Variants in GALNT13 observed in about 807,000 individuals in gnomAD.
GALNT13 encodes polypeptide N-acetylgalactosaminyltransferase 13, also known as UDP-GalNAc:polypeptide N-acetylgalactosaminyltransferase 13.
Under a neutral mutation model 64.2 loss-of-function variants are expected in GALNT13, and 28 were observed. The observed-to-expected ratio is 0.44, with a 90% CI of 0.32 to 0.60. The LOEUF (loss-of-function observed/expected upper bound fraction) is 0.60, where lower values mean the gene tolerates loss of function less well. GALNT13 is among the 20% of genes least tolerant of loss of function. GALNT13 has a pLI of 0.05. For missense variants in GALNT13, 577 were observed against 669.8 expected (o/e 0.86, Z 1.53); for synonymous variants, 214 against 224.6 (o/e 0.95, Z 0.42).
At chr2:153,367,901 C>G in the GALNT13 span, among the ~76,000 whole-genome samples, 1 of 151,638 alleles carries the variant, frequency 6.6e-6, no homozygotes, top group Non-Finnish European at 1.5e-5. Context: ...AAAAAAGAAA[C>G]AAAGAACAGA....
At chr2:154,151,638 G>C (rs1406030629) in intron 4 of GALNT13, among the ~76,000 whole-genome samples, 1 of 152,120 alleles carries the variant, frequency 6.6e-6, no homozygotes, top group Non-Finnish European at 1.5e-5. Flanking sequence ...TATATATTTA[G>C]GATAGTTAGC....
At chr2:153,376,003 G>C in the GALNT13 span, among the ~76,000 whole-genome samples, 1 of 152,022 alleles carries the variant, frequency 6.6e-6, no homozygotes, top group Non-Finnish European at 1.5e-5. Flanking sequence ...ACAACCAGCT[G>C]TCATGGGAAC....
At chr2:153,117,838 A>G in the GALNT13 span, among the ~76,000 whole-genome samples, 1 of 151,972 alleles carries the variant, frequency 6.6e-6, no homozygotes, top group Non-Finnish European at 1.5e-5. Context: ...TGTTATTGTC[A>G]TGGCCAGTTA....
At chr2:153,268,104 A>G in the GALNT13 span, among the ~76,000 whole-genome samples, 1 of 152,310 alleles carries the variant, frequency 6.6e-6, no homozygotes, top group East Asian at 1.9e-4. Context: ...GTCTTAACTC[A>G]TTCCAGCATT....
chr2:153,238,187 A>G, the GALNT13 span, among the ~76,000 whole-genome samples: 5 of 151,756 alleles, frequency 3.3e-5, no homozygotes, highest in African/African-American at 4.8e-5. Context: ...CTGATTATTA[A>G]ATTTTTTCTT....
the GALNT13 span, among the ~76,000 whole-genome samples, chr2:153,758,280 C>G: frequency 6.7e-6 from 1 of 148,634 alleles, no homozygotes; most frequent in Non-Finnish European, 1.5e-5. Context: ...TATCAAAAAT[C>G]AATTGACAGT....
chr2:153,747,179 T>G, the GALNT13 span, among the ~76,000 whole-genome samples: 1 of 152,280 alleles, frequency 6.6e-6, no homozygotes, highest in Non-Finnish European at 1.5e-5. Context: ...GGGATATCCA[T>G]CTGCTCAAGA....
the GALNT13 span, among the ~76,000 whole-genome samples, chr2:153,587,691 C>G: frequency 2.6e-5 from 4 of 152,196 alleles, no homozygotes; most frequent in African/African-American, 4.8e-5. Context: ...GGTAGGGACA[C>G]AGCCAAACCA....
At chr2:153,257,313 G>A in the GALNT13 span, among the ~76,000 whole-genome samples, 328 of 152,106 alleles carry the variant, frequency 2.2e-3, 2 homozygotes, top group Non-Finnish European at 3.0e-3. Context: ...GCTTCGGCTC[G>A]TGCACGGTGC....
intron 3 of GALNT13, among the ~76,000 whole-genome samples, chr2:154,080,808 G>A (rs1245947042): frequency 6.6e-6 from 1 of 151,660 alleles, no homozygotes; most frequent in African/African-American, 2.4e-5. Flanking sequence ...GCTAAAGTAT[G>A]TCACCATCAT....
chr2:154,020,274 C>A (rs1697352402), intron 3 of GALNT13, among the ~76,000 whole-genome samples: 1 of 152,180 alleles, frequency 6.6e-6, no homozygotes, highest in African/African-American at 2.4e-5. Context: ...GGAATCGCCA[C>A]ACCGACTTCC....
chr2:153,186,126 A>G, the GALNT13 span, among the ~76,000 whole-genome samples: 1 of 152,056 alleles, frequency 6.6e-6, no homozygotes, highest in African/African-American at 2.4e-5. Flanking sequence ...AATTTCCTTT[A>G]TGAATCTTGG....
intron 11 of GALNT13, among the ~76,000 whole-genome samples, chr2:154,424,760 A>G (rs893372047): frequency 6.6e-6 from 1 of 152,218 alleles, no homozygotes; most frequent in South Asian, 2.1e-4. Context: ...TTTACCATGT[A>G]TTAGCCTTTT....
the GALNT13 span, among the ~76,000 whole-genome samples, chr2:153,678,825 A>G: frequency 6.6e-6 from 1 of 151,870 alleles, no homozygotes; most frequent in Non-Finnish European, 1.5e-5. Flanking sequence ...AGGGACAGAC[A>G]GGGGTAGGTT....
the GALNT13 span, among the ~76,000 whole-genome samples, chr2:153,614,110 A>G: frequency 6.6e-6 from 1 of 152,068 alleles, no homozygotes; most frequent in Non-Finnish European, 1.5e-5. Context: ...TTCTAGGTAG[A>G]GGTGAGTTAT....
At chr2:153,203,935 A>T in the GALNT13 span, among the ~76,000 whole-genome samples, 1 of 152,216 alleles carries the variant, frequency 6.6e-6, no homozygotes, top group African/African-American at 2.4e-5. Flanking sequence ...AGTGAAAAGT[A>T]TGAGAAAGTA....
At chr2:153,108,668 G>A in the GALNT13 span, among the ~76,000 whole-genome samples, 131 of 152,266 alleles carry the variant, frequency 8.6e-4, no homozygotes, top group Middle Eastern at 3.4e-3. Context: ...AAATGGATGA[G>A]AAGCTTAAGC....
chr2:153,818,120 T>TAC, the GALNT13 span, among the ~76,000 whole-genome samples: 2 of 150,622 alleles, frequency 1.3e-5, no homozygotes, highest in African/African-American at 2.4e-5. Context: ...CTCCCTAATA[T>TAC]AGGGAAAAGA....
the GALNT13 span, among the ~76,000 whole-genome samples, chr2:153,689,642 A>C: frequency 5.9e-5 from 9 of 152,168 alleles, no homozygotes; most frequent in Middle Eastern, 3.4e-3. Context: ...TCAGCCTTTT[A>C]AATATGTGAT....
Sources: gnomAD v4.1 joint callset for allele counts (sites outside exome capture counted in the v4.1 genomes callset) on GRCh38, gnomAD v4.1.1 for gene constraint, MANE v1.5 for transcripts, NCBI Gene and HGNC (gene_info 2026-07-23, HGNC 2026-07-21) for gene names.